Variants in NUP155 observed in about 807,000 individuals in gnomAD.
NUP155 encodes nucleoporin 155.
NUP155 carries 71 observed loss-of-function variants against 180.4 expected under a neutral mutation model. The observed-to-expected ratio is 0.39, with a 90% CI of 0.33 to 0.48. NUP155 has a LOEUF of 0.48. Ranked by LOEUF, NUP155 falls within the 20% of genes least tolerant of loss-of-function variation. The probability of loss-of-function intolerance (pLI) is 0.91; values close to 1 mark genes in which losing one functional copy is unlikely to be tolerated. For synonymous variants in NUP155, 582 were observed against 559.5 expected, an observed-to-expected ratio of 1.04 and a Z score of -0.57; for missense variants, 1,553 against 1,648.9, an observed-to-expected ratio of 0.94 and a Z score of 1.01.
intron 32 of NUP155, among the ~76,000 whole-genome samples, chr5:37,295,301 G>A (rs1349356689): frequency 6.6e-6 from 1 of 152,150 alleles, no homozygotes; most frequent in Non-Finnish European, 1.5e-5. Flanking sequence ...CGCCAGCCTC[G>A]GCCTCCAGAG....
At chr5:37,352,323 A>C (rs1004545229) in intron 5 of NUP155, among the ~76,000 whole-genome samples, 1 of 151,932 alleles carries the variant, frequency 6.6e-6, no homozygotes, top group Non-Finnish European at 1.5e-5. Context: ...GCACCACTAC[A>C]CTCCAGCCCG....
intron 9 of NUP155, among the ~76,000 whole-genome samples, chr5:37,348,080 G>C (rs1243485493): frequency 3.3e-5 from 5 of 152,144 alleles, no homozygotes; most frequent in Non-Finnish European, 7.3e-5. Flanking sequence ...GTTGCGGTGA[G>C]CAGAGATAGC....
rs987209998 is a variant in NUP155 at position 37,309,552 on chromosome 5, T to C, written c.2629-285A>G. Reference sequence around the variant, plus strand: ...GGGCAGCAGGCAGTCCATGTGACACTGATTTATTTATTTTTTCCACCTGTA... The same window carrying C: ...GGGCAGCAGGCAGTCCATGTGACACCGATTTATTTATTTTTTCCACCTGTA... On this transcript the variant is annotated intron_variant, in intron 23 of 34. Transcript: ENST00000231498. 3.2e-5 allele frequency: 10 copies of C among 312,300 alleles called. No individual in the cohort carries two copies. In the South Asian group the frequency reaches 3.8e-4, roughly 12 times the overall value. The allele number at this position is 312,300 out of a possible 1,614,324, so 19.3% of individuals were successfully genotyped here. A position where few individuals can be genotyped will look rare whatever the true frequency, so the allele number is the denominator to read the frequency against.
rs568521186 is a variant in NUP155 at position 37,309,372 on chromosome 5, C to T, written c.2629-105G>A. 5 of 943,650 alleles carry T rather than the reference C, an allele frequency of 5.3e-6. No individual in the cohort carries two copies. The African/African-American group carries it at 8.3e-5, about 16-fold the overall frequency. The allele number at this position is 943,650 out of a possible 1,614,324, so 58.5% of individuals were successfully genotyped here. The stretch of plus-strand genomic sequence containing the variant: ...TGTCTAAATTTATATATGGTTATTA[C>T]CATTAAAATGAAAACAACTCTACAA... On this transcript the variant is annotated intron_variant, in intron 23 of 34. Coordinates refer to ENST00000231498, the MANE Select transcript of NUP155 (RefSeq NM_153485.3).
At chr5:37,306,386 G>A (rs1743156184) in intron 25 of NUP155, among the ~76,000 whole-genome samples, 1 of 152,110 alleles carries the variant, frequency 6.6e-6, no homozygotes, top group Admixed American at 6.6e-5. Flanking sequence ...CAGCCCAGGA[G>A]ACAGAGTGAA....
At chr5:37,311,780 G>A (rs1743544879) in intron 22 of NUP155, among the ~76,000 whole-genome samples, 1 of 152,008 alleles carries the variant, frequency 6.6e-6, no homozygotes, top group Non-Finnish European at 1.5e-5. Flanking sequence ...AGCACTTTGG[G>A]AGGCCAAGGC....
rs1003714922 is a variant in NUP155, at chr5:37,288,963, C to T, written c.*2937G>A. The T allele has an allele frequency of 9.8e-4, 150 of 152,734 alleles. 2 individuals are homozygous for T. Among genetic ancestry groups the T allele is most frequent in the Middle Eastern group, 3.3e-3 (1 of 306 alleles). 9.5% of individuals were successfully genotyped at this position (152,734 alleles called of 1,614,324 possible). A position where few individuals can be genotyped will look rare whatever the true frequency, so the allele number is the denominator to read the frequency against. ...GCGCATGCCTGTAATCTCAGCTACT[C>T]GGGAGGCTGAGGCAGAAGAATTGCT... On this transcript the variant is annotated 3_prime_UTR_variant, in exon 35 of 35. Transcript: ENST00000231498.
intron 32 of NUP155, 102 bp downstream of exon 32, chr5:37,298,766 A>C (rs1742713402): frequency 1.4e-6 from 1 of 738,432 alleles, no homozygotes. Context: ...CTAAATAGCA[A>C]AGAAACTCTT....
intron 11 of NUP155, among the ~76,000 whole-genome samples, chr5:37,339,223 GA>G (rs1241088555): frequency 2.0e-5 from 3 of 149,976 alleles, no homozygotes; most frequent in African/African-American, 7.4e-5. Context: ...GAGGCAGGAG[GA>G]TTGCTTGAGC....
chr5:37,339,680 TAAC>T (rs2150974939), intron 11 of NUP155, among the ~76,000 whole-genome samples: 1 of 152,322 alleles, frequency 6.6e-6, no homozygotes, highest in Admixed American at 6.5e-5. Context: ...TTTGAAGACT[TAAC>T]ATAGTTAAGA....
chr5:37,288,279 A>C lies in NUP155; in HGVS notation c.*3621T>G, dbSNP rs1742100955. The C allele has an allele frequency of 6.6e-6, 1 of 152,124 alleles. No individual in the cohort carries two copies. The allele number at this position is 152,124 out of a possible 1,614,324, so 9.4% of individuals were successfully genotyped here. A position where few individuals can be genotyped will look rare whatever the true frequency, so the allele number is the denominator to read the frequency against. ...TGATACAACTCTGTACCATGGTCAT[A>C]ATTTTTCCGTCTCATGAATAGGAGG... is the stretch of plus-strand genomic sequence containing the variant. On this transcript the variant is annotated 3_prime_UTR_variant, in exon 35 of 35. Coordinates refer to ENST00000231498, the MANE Select transcript of NUP155 (RefSeq NM_153485.3).
chr5:37,331,474 T>A (rs746803135), intron 14 of NUP155, among the ~76,000 whole-genome samples: 2 of 152,172 alleles, frequency 1.3e-5, no homozygotes, highest in Non-Finnish European at 2.9e-5. Context: ...CTGGGGAGGC[T>A]GAGGCAGAAC....
chr5:37,349,505 C>T (rs1746326333), intron 7 of NUP155, among the ~76,000 whole-genome samples: 1 of 152,044 alleles, frequency 6.6e-6, no homozygotes, highest in South Asian at 2.1e-4. Flanking sequence ...ATTTTGTCCT[C>T]TAAATGAATT....
intron 22 of NUP155, among the ~76,000 whole-genome samples, chr5:37,311,020 T>C (rs905004328): frequency 3.3e-5 from 5 of 152,118 alleles, no homozygotes; most frequent in Non-Finnish European, 7.4e-5. Context: ...TCTCCTGGCT[T>C]TGGTTATAAA....
intron 20 of NUP155, among the ~76,000 whole-genome samples, chr5:37,321,514 C>A (rs1357681905): frequency 6.6e-6 from 1 of 151,980 alleles, no homozygotes; most frequent in Non-Finnish European, 1.5e-5. Context: ...GTCAAGAGAT[C>A]GAGACCATCC....
chr5:37,358,225 T>A, intron 3 of NUP155, 74 bp from the exon 4 acceptor site: 1 of 1,072,972 alleles, frequency 9.3e-7, no homozygotes. Context: ...ATGTCTTTAA[T>A]CCCAGTACTT....
chr5:37,301,699 A>C, intron 29 of NUP155, 149 bp from the exon 30 acceptor site: 1 of 672,148 alleles, frequency 1.5e-6, no homozygotes, highest in Non-Finnish European at 2.7e-6. Flanking sequence ...TTATCATAAC[A>C]GACATCAACT....
chr5:37,320,688 A>G lies in NUP155; in HGVS notation c.2208-2603T>C, dbSNP rs557021697. ...AGTAATTAAGAGAAATTAGAAGTAG[A>G]TTAGAAAATTTACATATAATTGCAG... On this transcript the variant is annotated intron_variant, in intron 20 of 34. Coordinates refer to ENST00000231498, the MANE Select transcript of NUP155 (RefSeq NM_153485.3). 2.0e-5 allele frequency among the ~76,000 whole-genome samples: 3 copies of G among 152,336 alleles called. No individual in the cohort carries two copies. In the South Asian group the frequency reaches 6.2e-4, roughly 32 times the overall value.
In NUP155 at chr5:37,328,361, G is replaced by A. The variant is rs1322128034; in HGVS notation, c.1873C>T (p.His625Tyr). Reference protein sequence around the residue: ...PNPSFLGTPSHGIQPPAMSTP... With the variant: ...PNPSFLGTPSYGIQPPAMSTP... Reference sequence around the variant, plus strand: ...CCAAAACAAAGAAAAGAGGTACCATGAGACGGTGTTCCCAAAAAGGATGGA... The same window carrying A: ...CCAAAACAAAGAAAAGAGGTACCATAAGACGGTGTTCCCAAAAAGGATGGA... Residue 625 changes from histidine to tyrosine, a missense_variant, in exon 17 of 35, where the codon CAT becomes TAT. His to Tyr is a moderately conservative substitution (Grantham distance 83, BLOSUM62 2). Transcript: ENST00000231498. 1 of 1,605,122 alleles carries A rather than the reference G, an allele frequency of 6.2e-7. No individual in the cohort carries two copies. Among genetic ancestry groups the A allele is most frequent in the African/African-American group, 1.3e-5 (1 of 74,730 alleles).
Sources: allele counts gnomAD v4.1 joint callset (sites outside exome capture counted in the v4.1 genomes callset), GRCh38; gene constraint gnomAD v4.1.1; transcripts MANE v1.5; gene names NCBI Gene and HGNC (gene_info 2026-07-23, HGNC 2026-07-21).